Variants in NBPF10 observed in about 807,000 individuals in gnomAD.
The protein encoded by NBPF10 is NBPF member 10.
In NBPF10, 63 loss-of-function variants were observed where a neutral mutation model predicts 77.9. The observed-to-expected ratio is 0.81, with a 90% CI of 0.66 to 1.00. NBPF10 has a LOEUF of 1.00. Among genes scored for constraint, NBPF10 ranks in the 50% least tolerant of loss-of-function variants. NBPF10 has a pLI of 0.00. For synonymous variants in NBPF10, 146 were observed against 264.5 expected (o/e 0.55, Z 4.35); for missense variants, 522 against 679.8 (o/e 0.77, Z 2.58).
intron 14 of NBPF10, among the ~76,000 whole-genome samples, 172 bp downstream of exon 14, chr1:146,126,064 C>T (rs1658586702): frequency 6.6e-6 from 1 of 151,698 alleles, no homozygotes. Context: ...ACTGACCCAT[C>T]CCTTGTCTGG....
chr1:146,142,884 C>A lies in NBPF10; in HGVS notation c.176-132G>T. The A allele has an allele frequency of 5.9e-6, 3 of 504,414 alleles. 1 individual carries two copies. The East Asian group carries it at 1.1e-4, about 19-fold the overall frequency. The allele number at this position is 504,414 out of a possible 1,614,324, so 31.2% of individuals were successfully genotyped here. A position where few individuals can be genotyped will look rare whatever the true frequency, so the allele number is the denominator to read the frequency against. Reference sequence around the variant, plus strand: ...AGTACCAGGGTCTAGACAGGGATTTCCACATCTTTACTCTTCAGTCTCCTG... The same window carrying A: ...AGTACCAGGGTCTAGACAGGGATTTACACATCTTTACTCTTCAGTCTCCTG... On this transcript the variant is annotated intron_variant, in intron 1 of 89. Coordinates refer to ENST00000583866, the Ensembl canonical transcript of NBPF10.
chr1:146,126,692 CTGTATT>C (rs1658739851), intron 13 of NBPF10, among the ~76,000 whole-genome samples: 1 of 146,362 alleles, frequency 6.8e-6, no homozygotes, highest in Non-Finnish European at 1.5e-5. Flanking sequence ...AAAGGACACT[CTGTATT>C]TGTGCTCTCA....
At chr1:146,125,599 G>T (rs1449776997) in intron 14 of NBPF10, 83 bp from the exon 15 acceptor site, 3 of 548,226 alleles carry the variant, frequency 5.5e-6, no homozygotes, top group South Asian at 3.8e-5. Context: ...CCTCACACAG[G>T]GACTTCAGGC....
In NBPF10 at chr1:146,134,284, T is replaced by C; in HGVS notation, c.1307-19A>G. On this transcript the variant is annotated intron_variant, in intron 8 of 89. Coordinates refer to ENST00000583866, the Ensembl canonical transcript of NBPF10. ...TCATTTTCTGCAAATACAGAAGTGT[T>C]CGTTCAGGTATTTCCCACTTCACAG... 4.4e-6 allele frequency: 7 copies of C among 1,602,624 alleles called. No individual in the cohort carries two copies. The highest frequency in any genetic ancestry group is 5.9e-6 in the Non-Finnish European group (7 of 1,178,640).
At chr1:146,136,161 C>A (rs1384239157) in intron 7 of NBPF10, among the ~76,000 whole-genome samples, 192 bp downstream of exon 7, 1 of 151,706 alleles carries the variant, frequency 6.6e-6, no homozygotes, top group Non-Finnish European at 1.5e-5. Context: ...AAACAAGGCT[C>A]TGAGAAACAA....
At position 146,121,346 on chromosome 1, in the gene NBPF10, T is replaced by C. The variant is rs1456349250; in HGVS notation, c.2758+152A>G. On this transcript the variant is annotated intron_variant, in intron 20 of 89. Transcript: ENST00000583866. ...CCCATCCCTTGTCTGGGCTTCCAAGTGGAACTAGAGTTTCATTCAACCTAC... is the reference window on the plus strand; with the variant it reads ...CCCATCCCTTGTCTGGGCTTCCAAGCGGAACTAGAGTTTCATTCAACCTAC... Among the ~76,000 whole-genome samples, 6 of 49,176 alleles carry C rather than the reference T, an allele frequency of 1.2e-4. No individual in the cohort carries two copies. The East Asian group carries it at 2.3e-3, about 19-fold the overall frequency. 32.3% of individuals were successfully genotyped at this position (49,176 alleles called of 152,430 possible). A position where few individuals can be genotyped will look rare whatever the true frequency, so the allele number is the denominator to read the frequency against.
intron 5 of NBPF10, among the ~76,000 whole-genome samples, chr1:146,139,067 G>A (rs6683081): frequency 0.17 from 22,552 of 131,330 alleles, 2,199 homozygotes; most frequent in African/African-American, 0.42. Context: ...TAAGATGTGA[G>A]CCAGCGCCCC....
At chr1:146,067,883 C>A (rs1553778365) in intron 88 of NBPF10, 120 bp downstream of exon 88, 23 of 698,136 alleles carry the variant, frequency 3.3e-5, no homozygotes, top group South Asian at 3.2e-4. Flanking sequence ...TATATGCGCC[C>A]ATAGGTCCTG....
chr1:146,126,131 G>T (rs1171352670), intron 14 of NBPF10, 105 bp downstream of exon 14: 5 of 779,514 alleles, frequency 6.4e-6, no homozygotes, highest in Non-Finnish European at 1.2e-5. Context: ...GGTCCTCCCT[G>T]TGGCAATGAC....
intron 19 of NBPF10, among the ~76,000 whole-genome samples, chr1:146,121,979 C>G (rs1658233247): frequency 1.3e-4 from 16 of 124,940 alleles, no homozygotes; most frequent in African/African-American, 4.6e-4. Flanking sequence ...TCATGACACA[C>G]AGCAAACTGT....
At chr1:146,139,360 C>G (rs6424360) in intron 5 of NBPF10, among the ~76,000 whole-genome samples, 3 of 150,764 alleles carry the variant, frequency 2.0e-5, no homozygotes, top group Non-Finnish European at 4.4e-5. Flanking sequence ...CCACCCGCCT[C>G]GGCCTCCCAA....
intron 77 of NBPF10, among the ~76,000 whole-genome samples, chr1:146,076,298 C>CAT (rs1253455825): frequency 7.6e-4 from 9 of 11,870 alleles, no homozygotes; most frequent in African/African-American, 1.4e-3. Flanking sequence ...CACACACACA[C>CAT]ACACAGAGAG....
In NBPF10 at chr1:146,073,009, C is replaced by A; in HGVS notation, c.10131-108G>T. On this transcript the variant is annotated intron_variant, in intron 81 of 89. Transcript: ENST00000583866. ...AGGAACTGTTTAAAAAGAAAAAGGA[C>A]AGATCCATTAATGAGGTAATGAATT... 1.3e-5 allele frequency: 2 copies of A among 159,570 alleles called. 1 individual carries two copies. The highest frequency in any genetic ancestry group is 6.5e-5 in the South Asian group (2 of 30,808). The allele number at this position is 159,570 out of a possible 1,614,324, so 9.9% of individuals were successfully genotyped here. A position where few individuals can be genotyped will look rare whatever the true frequency, so the allele number is the denominator to read the frequency against.
Position 146,126,307 on chromosome 1 carries a change from G to C in NBPF10, c.1955C>G (p.Ser652Ter). 1.3e-6 allele frequency: 2 copies of C among 1,520,548 alleles called. No homozygotes were observed. Among genetic ancestry groups the C allele is most frequent in the Non-Finnish European group, 1.8e-6 (2 of 1,097,508 alleles). The allele number at this position is 1,520,548 out of a possible 1,614,324, so 94.2% of individuals were successfully genotyped here. A position where few individuals can be genotyped will look rare whatever the true frequency, so the allele number is the denominator to read the frequency against. ...AAAGGCACTTCTGTAGGGCTGGCATGAGTCAGTCAGTTCAAGACAACCTGA... is the reference window on the plus strand; with the variant it reads ...AAAGGCACTTCTGTAGGGCTGGCATCAGTCAGTCAGTTCAAGACAACCTGA... Residue 652 changes from serine to a stop codon, truncating the protein, a stop_gained, in exon 14 of 90, where the codon TCA (serine) becomes TGA (stop). Transcript: ENST00000583866. LOFTEE classifies it high-confidence loss of function.
rs1553790520 is a variant in NBPF10, at chr1:146,127,175, G to C, written c.1802-96C>G. 2 of 580,608 alleles carry C rather than the reference G, an allele frequency of 3.4e-6. 1 individual carries two copies. The highest frequency in any genetic ancestry group is 5.9e-6 in the Non-Finnish European group (2 of 336,980). 36.0% of individuals were successfully genotyped at this position (580,608 alleles called of 1,614,324 possible). Reference sequence around the variant, plus strand: ...ATCCTAACACAGGGACATCAGTCTTGTCAGTGTGAGAACAGGAGACTTTCA... The same window carrying C: ...ATCCTAACACAGGGACATCAGTCTTCTCAGTGTGAGAACAGGAGACTTTCA... On this transcript the variant is annotated intron_variant, in intron 12 of 89. Transcript: ENST00000583866.
intron 85 of NBPF10, 105 bp from the exon 86 acceptor site, chr1:146,069,820 G>T: frequency 7.2e-6 from 4 of 557,508 alleles, no homozygotes; most frequent in Admixed American, 5.9e-5. Flanking sequence ...AAAAGAAAAA[G>T]GACAGATCCA....
chr1:146,126,520 T>A (rs1658688063), intron 13 of NBPF10, 112 bp from the exon 14 acceptor site: 1 of 715,498 alleles, frequency 1.4e-6, no homozygotes, highest in Non-Finnish European at 2.6e-6. Flanking sequence ...AAAGGACAGA[T>A]CCATTAATGA....
rs587684531 is a variant in NBPF10 at position 146,067,175 on chromosome 1, G to A, written c.11144+5C>T. On this transcript the variant is annotated splice_donor_5th_base_variant and intron_variant, in intron 89 of 89. Coordinates refer to ENST00000583866, the Ensembl canonical transcript of NBPF10. Reference sequence around the variant, plus strand: ...AACTAAGGATCCACAATTGCTGAAAGTCACCTGGGGCATGGTGGGTTTTGA... The same window carrying A: ...AACTAAGGATCCACAATTGCTGAAAATCACCTGGGGCATGGTGGGTTTTGA... The A allele has an allele frequency of 1.8e-4, 109 of 619,166 alleles. 3 individuals carry two copies. Among genetic ancestry groups the A allele is most frequent in the African/African-American group, 1.6e-3 (91 of 55,266 alleles). The allele number at this position is 619,166 out of a possible 1,614,324, so 38.4% of individuals were successfully genotyped here. A position where few individuals can be genotyped will look rare whatever the true frequency, so the allele number is the denominator to read the frequency against.
At chr1:146,142,430 A>C (rs1210329415) in intron 2 of NBPF10, among the ~76,000 whole-genome samples, 29 of 134,512 alleles carry the variant, frequency 2.2e-4, no homozygotes, top group Middle Eastern at 3.4e-3. Flanking sequence ...ATCAACAATT[A>C]CTTGTTTGAA....
Sources: allele counts gnomAD v4.1 joint callset (sites outside exome capture counted in the v4.1 genomes callset), GRCh38; gene constraint gnomAD v4.1.1; transcripts MANE v1.5; gene names NCBI Gene and HGNC (gene_info 2026-07-23, HGNC 2026-07-21).